Variants in POLA1 observed in about 807,000 individuals in gnomAD.
The protein encoded by POLA1 is DNA polymerase alpha 1, catalytic subunit.
POLA1 carries 15 observed loss-of-function variants against 124.0 expected under a neutral mutation model. The observed-to-expected ratio is 0.12, with a 90% CI of 0.08 to 0.19. The LOEUF (loss-of-function observed/expected upper bound fraction) is 0.19, where lower values mean the gene tolerates loss of function less well. POLA1 is among the 10% of genes least tolerant of loss of function. The probability of loss-of-function intolerance (pLI) is 1.00; values close to 1 mark genes in which losing one functional copy is unlikely to be tolerated. For missense variants in POLA1, 886 were observed against 1,103.4 expected (o/e 0.80, Z 2.79); for synonymous variants, 408 against 389.4 (o/e 1.05, Z -0.56).
chrX:24,738,075 C>T (rs867993425), intron 19 of POLA1, among the ~76,000 whole-genome samples: 9 of 103,956 alleles, frequency 8.7e-5, no homozygotes, highest in African/African-American at 1.9e-4. Context: ...TAGCCGGGCG[C>T]GGTGGCGGGC....
intron 36 of POLA1, among the ~76,000 whole-genome samples, chrX:24,950,424 C>G (rs762809350): frequency 6.3e-5 from 7 of 111,889 alleles, no homozygotes; most frequent in African/African-American, 2.3e-4. Flanking sequence ...TAGTGGCTAC[C>G]TTATTGGGCA....
intron 31 of POLA1, among the ~76,000 whole-genome samples, chrX:24,823,602 C>T (rs1469427097): frequency 9.0e-6 from 1 of 111,208 alleles, no homozygotes; most frequent in Admixed American, 9.6e-5. Context: ...TGGGATTTCA[C>T]CATGTTGACC....
intron 4 of POLA1, among the ~76,000 whole-genome samples, chrX:24,706,405 C>A (rs756462423): frequency 1.8e-5 from 2 of 111,463 alleles, no homozygotes; most frequent in Non-Finnish European, 3.8e-5. Context: ...AATCCTGGTT[C>A]CTTTTAGTGG....
chrX:24,920,556 T>C (rs1386201962), intron 35 of POLA1, among the ~76,000 whole-genome samples: 1 of 111,844 alleles, frequency 8.9e-6, no homozygotes, highest in Admixed American at 9.4e-5. Flanking sequence ...TGAAAATGCA[T>C]CAATAAAAAG....
At chrX:24,824,132 C>G (rs1222285639) in intron 31 of POLA1, among the ~76,000 whole-genome samples, 1 of 111,853 alleles carries the variant, frequency 8.9e-6, no homozygotes, top group Non-Finnish European at 1.9e-5. Context: ...CTGGTTGTCT[C>G]TCTGAAGTAT....
chrX:24,856,504 A>C (rs1403491265), intron 34 of POLA1, among the ~76,000 whole-genome samples: 1 of 111,892 alleles, frequency 8.9e-6, no homozygotes, highest in African/African-American at 3.3e-5. Flanking sequence ...TCTCTAGGAT[A>C]AATATCCAGG....
intron 18 of POLA1, among the ~76,000 whole-genome samples, chrX:24,736,007 C>G (rs932004056): frequency 1.8e-5 from 2 of 111,337 alleles, no homozygotes; most frequent in Non-Finnish European, 3.8e-5. Context: ...TTTTTTGCCC[C>G]AATTCCTGAG....
intron 36 of POLA1, among the ~76,000 whole-genome samples, chrX:24,949,728 CTCTTTTTTTT>C (rs1380891045): frequency 1.9e-5 from 2 of 103,168 alleles, no homozygotes; most frequent in Non-Finnish European, 4.0e-5. Flanking sequence ...TTCTTTTTTT[CTCTTTTTTTT>C]TCTTTTTTTT....
At chrX:24,803,181 C>T (rs896537048) in intron 26 of POLA1, among the ~76,000 whole-genome samples, 10 of 111,025 alleles carry the variant, frequency 9.0e-5, no homozygotes, top group Non-Finnish European at 1.5e-4. Flanking sequence ...ATAGAGAAAA[C>T]GCTGTCATCA....
intron 35 of POLA1, among the ~76,000 whole-genome samples, chrX:24,889,293 C>G (rs910228956): frequency 8.9e-6 from 1 of 112,382 alleles, no homozygotes; most frequent in African/African-American, 3.2e-5. Context: ...TGCCTTCCCT[C>G]TGTTGACCCC....
chrX:24,709,291 G>A (rs1482486276), intron 4 of POLA1, among the ~76,000 whole-genome samples: 3 of 96,749 alleles, frequency 3.1e-5, no homozygotes, highest in African/African-American at 3.9e-5. Flanking sequence ...CAGGCGGGGG[G>A]CTGACCCCCC....
chrX:24,796,441 G>A (rs1171329230), intron 26 of POLA1, among the ~76,000 whole-genome samples: 1 of 110,781 alleles, frequency 9.0e-6, no homozygotes, highest in Non-Finnish European at 1.9e-5. Flanking sequence ...CCCCTGGTTT[G>A]TGTGACACCT....
intron 32 of POLA1, among the ~76,000 whole-genome samples, chrX:24,829,708 C>G (rs1033696146): frequency 8.9e-6 from 1 of 112,116 alleles, no homozygotes; most frequent in African/African-American, 3.2e-5. Context: ...TTCGAGGCCC[C>G]TGTTATCAGT....
chrX:24,761,400 C>T (rs1468010848), intron 26 of POLA1, among the ~76,000 whole-genome samples: 2 of 111,077 alleles, frequency 1.8e-5, no homozygotes, highest in Non-Finnish European at 3.8e-5. Flanking sequence ...GGTTTTTCAT[C>T]GCTGCTGACT....
In POLA1 at chrX:24,810,791, G is replaced by C. The variant is rs368483249; in HGVS notation, c.3081G>C (p.Leu1027Phe). ...NSTNLEEVFK[L>F]GNKVKSEVNK... is the part of the protein sequence containing the mutation. ...CCAATCTGGAAGAAGTATTTAAGTT[G>C]GGAAACAAGGTGAGATAATTTTATG... The change falls in exon 28 of 37, where the codon TTG (leucine) becomes TTC (phenylalanine). Residue 1027 changes from leucine to phenylalanine, a missense_variant. Leu to Phe is a conservative substitution (Grantham distance 22, BLOSUM62 0). Transcript: ENST00000379068. 2 of 1,008,913 alleles carry C rather than the reference G, an allele frequency of 2.0e-6. No homozygotes were observed. Among genetic ancestry groups the C allele is most frequent in the Non-Finnish European group, 2.8e-6 (2 of 722,259 alleles). The allele number at this position is 1,008,913 out of a possible 1,213,427, so 83.1% of individuals were successfully genotyped here. A position where few individuals can be genotyped will look rare whatever the true frequency, so the allele number is the denominator to read the frequency against.
chrX:24,851,557 A>G (rs1191898957), intron 34 of POLA1, among the ~76,000 whole-genome samples: 1 of 113,384 alleles, frequency 8.8e-6, no homozygotes, highest in Non-Finnish European at 1.9e-5. Flanking sequence ...CCATCCAGCA[A>G]TGGACTAGTA....
chrX:24,788,854 C>A (rs2045428346), intron 26 of POLA1: 1 of 1,193,271 alleles, frequency 8.4e-7, no homozygotes, highest in African/African-American at 1.8e-5. Context: ...AAGCTTTCTT[C>A]ACTCCTGGCA....
chrX:24,888,720 C>A (rs1193258120), intron 35 of POLA1, among the ~76,000 whole-genome samples: 1 of 104,328 alleles, frequency 9.6e-6, no homozygotes, highest in East Asian at 3.0e-4. Flanking sequence ...GGACTACAGG[C>A]GCGTGCCACT....
At chrX:24,735,926 G>A (rs1306700077) in intron 18 of POLA1, among the ~76,000 whole-genome samples, 3 of 110,882 alleles carry the variant, frequency 2.7e-5, no homozygotes, top group East Asian at 2.8e-4. Flanking sequence ...CTCAGGGCTC[G>A]GAATTGATTT....
Sources: gnomAD v4.1 joint callset for allele counts (sites outside exome capture counted in the v4.1 genomes callset) on GRCh38, gnomAD v4.1.1 for gene constraint, MANE v1.5 for transcripts, NCBI Gene and HGNC (gene_info 2026-07-23, HGNC 2026-07-21) for gene names.